IPMK: variants seen among roughly 807,000 people sequenced by gnomAD.
The protein encoded by IPMK is inositol polyphosphate multikinase, also known as inositol 1,3,4,6-tetrakisphosphate 5-kinase.
IPMK carries 17 observed loss-of-function variants against 45.8 expected under a neutral mutation model. That is an observed-to-expected ratio of 0.37 (90% CI 0.25 to 0.56). IPMK has a LOEUF of 0.56. IPMK is among the 20% of genes least tolerant of loss of function. The probability of loss-of-function intolerance (pLI) is 0.79; values close to 1 mark genes in which losing one functional copy is unlikely to be tolerated. For missense variants in IPMK, 399 were observed against 498.0 expected, an observed-to-expected ratio of 0.80 and a Z score of 1.89; for synonymous variants, 180 against 184.3, an observed-to-expected ratio of 0.98 and a Z score of 0.19.
intron 4 of IPMK, among the ~76,000 whole-genome samples, chr10:58,201,014 A>G (rs910987806): frequency 1.3e-5 from 2 of 152,200 alleles, no homozygotes; most frequent in Admixed American, 1.3e-4. Context: ...GAGAAAAAAA[A>G]CTGTTTGAAA....
intron 1 of IPMK, among the ~76,000 whole-genome samples, chr10:58,265,057 T>C (rs1839130106): frequency 6.6e-6 from 1 of 152,220 alleles, no homozygotes; most frequent in African/African-American, 2.4e-5. Context: ...ATACTTTGTA[T>C]TCTTAGAACT....
At chr10:58,201,802 T>G (rs1171997171) in intron 4 of IPMK, among the ~76,000 whole-genome samples, 1 of 152,106 alleles carries the variant, frequency 6.6e-6, no homozygotes, top group African/African-American at 2.4e-5. Flanking sequence ...AAGAAAAAGC[T>G]CTTGAAGGAA....
intron 1 of IPMK, among the ~76,000 whole-genome samples, chr10:58,243,621 C>T (rs892672104): frequency 1.3e-5 from 2 of 152,216 alleles, no homozygotes; most frequent in African/African-American, 2.4e-5. Context: ...TAGCCCGCCT[C>T]GGCCTCCCGA....
chr10:58,210,526 T>C (rs1743446571), intron 4 of IPMK, among the ~76,000 whole-genome samples: 1 of 152,212 alleles, frequency 6.6e-6, no homozygotes, highest in South Asian at 2.1e-4. Flanking sequence ...TCTTTCACCC[T>C]GTGACTAGTC....
intron 2 of IPMK, among the ~76,000 whole-genome samples, chr10:58,229,646 T>C (rs576712518): frequency 6.8e-6 from 1 of 147,216 alleles, no homozygotes; most frequent in South Asian, 2.2e-4. Flanking sequence ...CTTTAAGAAA[T>C]CAAATCACTG....
intron 3 of IPMK, among the ~76,000 whole-genome samples, chr10:58,224,200 G>A (rs1838378992): frequency 6.6e-6 from 1 of 152,122 alleles, no homozygotes; most frequent in African/African-American, 2.4e-5. Flanking sequence ...CCTGCAACAT[G>A]ACTAGTAGCT....
intron 5 of IPMK, among the ~76,000 whole-genome samples, chr10:58,198,414 CAG>C (rs1328958859): frequency 6.6e-6 from 1 of 152,076 alleles, no homozygotes; most frequent in Non-Finnish European, 1.5e-5. Flanking sequence ...CAATTTGGGA[CAG>C]AAACTATTAA....
At chr10:58,242,926 C>G (rs1474082978) in intron 1 of IPMK, among the ~76,000 whole-genome samples, 1 of 152,020 alleles carries the variant, frequency 6.6e-6, no homozygotes, top group Non-Finnish European at 1.5e-5. Context: ...AAGTGTGTAG[C>G]ACTTCCCCCT....
intron 3 of IPMK, among the ~76,000 whole-genome samples, chr10:58,220,959 TA>T (rs1017986996): frequency 2.0e-4 from 31 of 152,108 alleles, no homozygotes; most frequent in African/African-American, 7.0e-4. Context: ...TCAGTATAAA[TA>T]AAAATAGAAG....
intron 1 of IPMK, among the ~76,000 whole-genome samples, chr10:58,245,551 A>G (rs1287096844): frequency 6.7e-6 from 1 of 150,106 alleles, no homozygotes; most frequent in Non-Finnish European, 1.5e-5. Flanking sequence ...GGCGGATGCT[A>G]CAGTGAGCTG....
chr10:58,211,901 C>CAAA (rs753050298), intron 4 of IPMK, among the ~76,000 whole-genome samples: 3,762 of 50,266 alleles, frequency 0.075, 164 homozygotes, highest in African/African-American at 0.11. Flanking sequence ...GACATCTCAC[C>CAAA]AAAAAAAAAA....
chr10:58,206,278 G>C (rs1838070364), intron 4 of IPMK, among the ~76,000 whole-genome samples: 1 of 152,182 alleles, frequency 6.6e-6, no homozygotes, highest in Non-Finnish European at 1.5e-5. Context: ...AAATAGATTA[G>C]TGGTTCCCTA....
intron 3 of IPMK, among the ~76,000 whole-genome samples, chr10:58,222,500 G>A (rs186110984): frequency 9.6e-4 from 146 of 152,288 alleles, no homozygotes; most frequent in Non-Finnish European, 1.8e-3. Context: ...ACTGGCACTT[G>A]TAAACCCCAG....
intron 1 of IPMK, among the ~76,000 whole-genome samples, chr10:58,254,993 G>C (rs1169449490): frequency 6.6e-6 from 1 of 152,210 alleles, no homozygotes; most frequent in Non-Finnish European, 1.5e-5. Context: ...CCAAACTGGG[G>C]AAAACTTTAG....
At position 58,192,018 on chromosome 10, in the gene IPMK, GAA is replaced by G. The variant is rs1564525052; in HGVS notation, c.*4056_*4057del. 1 of 151,850 alleles carries G rather than the reference GAA, an allele frequency of 6.6e-6. No individual in the cohort carries two copies. The highest frequency in any genetic ancestry group is 1.5e-5 in the Non-Finnish European group (1 of 67,860). The allele number at this position is 151,850 out of a possible 1,614,324, so 9.4% of individuals were successfully genotyped here. The stretch of plus-strand genomic sequence containing the variant: ...TTTGATGACAAAATCTAAAATTAAA[GAA>G]AAGTCTTAAAAGCCTATAGTGACTT... On this transcript the variant is annotated 3_prime_UTR_variant, in exon 6 of 6. Coordinates refer to ENST00000373935, the MANE Select transcript of IPMK (RefSeq NM_152230.5).
chr10:58,220,225 G>A (rs1364115709), intron 3 of IPMK, among the ~76,000 whole-genome samples: 2 of 152,130 alleles, frequency 1.3e-5, no homozygotes, highest in African/African-American at 2.4e-5. Context: ...AGGCAGAGGA[G>A]AGAAGAGGAA....
chr10:58,237,850 A>C (rs759413817), intron 1 of IPMK, 36 bp from the exon 2 acceptor site: 2 of 1,430,724 alleles, frequency 1.4e-6, no homozygotes, highest in Non-Finnish European at 2.0e-6. Context: ...TTAATGCTTT[A>C]ATAATAGTAA....
In IPMK at chr10:58,267,584, G is replaced by T; in HGVS notation, c.28C>A (p.Arg10=). ...TCTGGGGGGCCCGGCGCCTCGACCC[G>T]GAGGGGGGATGGTGGCTCTGTTGCC... The part of the protein sequence containing the change: MATEPPSPL[R]VEAPGPPEMR... Residue 10 remains arginine, a synonymous_variant, in exon 1 of 6, where the codon CGG becomes AGG. Coordinates refer to ENST00000373935, the MANE Select transcript of IPMK (RefSeq NM_152230.5). The T allele has an allele frequency of 6.2e-7, 1 of 1,605,178 alleles. No individual in the cohort carries two copies. Among genetic ancestry groups the T allele is most frequent in the South Asian group, 1.1e-5 (1 of 90,208 alleles).
intron 1 of IPMK, among the ~76,000 whole-genome samples, chr10:58,259,133 G>T (rs1434453781): frequency 6.6e-6 from 1 of 152,022 alleles, no homozygotes; most frequent in East Asian, 1.9e-4. Context: ...TCTGTGAATG[G>T]ACAAACAGCA....
Sources: allele counts gnomAD v4.1 joint callset (sites outside exome capture counted in the v4.1 genomes callset), GRCh38; gene constraint gnomAD v4.1.1; transcripts MANE v1.5; gene names NCBI Gene and HGNC (gene_info 2026-07-23, HGNC 2026-07-21).